CLIP4: variants seen among roughly 807,000 people sequenced by gnomAD.
CLIP4 encodes CAP-Gly domain-containing linker protein 4.
CLIP4 carries 47 observed loss-of-function variants against 73.1 expected under a neutral mutation model. The observed-to-expected ratio is 0.64, with a 90% CI of 0.51 to 0.82. The LOEUF (loss-of-function observed/expected upper bound fraction) is 0.82. CLIP4 is among the 40% of genes least tolerant of loss of function. The probability of loss-of-function intolerance (pLI) is 0.00; values close to 1 mark genes in which losing one functional copy is unlikely to be tolerated. For synonymous variants in CLIP4, 306 were observed against 295.4 expected, an observed-to-expected ratio of 1.04 and a Z score of -0.37; for missense variants, 874 against 852.9, an observed-to-expected ratio of 1.02 and a Z score of -0.31.
chr2:29,131,290 T>A lies in CLIP4; in HGVS notation c.166T>A (p.Cys56Ser). Reference protein sequence around the residue: ...FSFFDPNDASCQEILFDPKTS... With the variant: ...FSFFDPNDASSQEILFDPKTS... ...TTTCTTTGATCCTAATGATGCATCATGCCAGGAAATTCTTTTTGATCCCAA... is the reference window on the plus strand; with the variant it reads ...TTTCTTTGATCCTAATGATGCATCAAGCCAGGAAATTCTTTTTGATCCCAA... Residue 56 changes from cysteine (C) to serine (S), a missense_variant, in exon 3 of 16, where the codon TGC (cysteine) becomes AGC (serine). Physicochemically the swap from Cys to Ser is moderately radical, Grantham distance 112. Coordinates refer to ENST00000320081, the MANE Select transcript of CLIP4 (RefSeq NM_024692.6). 2.5e-6 allele frequency: 4 copies of A among 1,609,344 alleles called. No individual in the cohort carries two copies. The highest frequency in any genetic ancestry group is 3.4e-6 in the Non-Finnish European group (4 of 1,178,216).
chr2:29,160,442 C>T lies in CLIP4; in HGVS notation c.1509C>T (p.Phe503=), dbSNP rs1483196394. 4 of 1,614,128 alleles carry T rather than the reference C, an allele frequency of 2.5e-6. No individual in the cohort carries two copies. Among genetic ancestry groups the T allele is most frequent in the Non-Finnish European group, 3.4e-6 (4 of 1,180,000 alleles). The stretch of plus-strand genomic sequence containing the variant: ...GACAGAGACTGGGCACCATTAGGTT[C>T]TTTGGGACAACAAACTTCGCTCCAG... ...VVGQRLGTIR[F]FGTTNFAPGY... is the part of the protein sequence containing the mutation. Residue 503 remains phenylalanine, a synonymous_variant, in exon 12 of 16, where the codon TTC becomes TTT. Transcript: ENST00000320081.
chr2:29,161,885 C>T (rs892051486), intron 12 of CLIP4, among the ~76,000 whole-genome samples: 27 of 152,102 alleles, frequency 1.8e-4, no homozygotes, highest in African/African-American at 3.1e-4. Flanking sequence ...ATAAGACATG[C>T]GGAAACATGA....
chr2:29,127,999 CACTT>C (rs753824694), intron 2 of CLIP4, among the ~76,000 whole-genome samples: 3 of 152,078 alleles, frequency 2.0e-5, no homozygotes, highest in African/African-American at 4.8e-5. Context: ...ATTTCTAAAA[CACTT>C]ACATTAATAA....
At chr2:29,142,352 A>G (rs1330694498) in intron 6 of CLIP4, among the ~76,000 whole-genome samples, 1 of 151,662 alleles carries the variant, frequency 6.6e-6, no homozygotes. Flanking sequence ...ATTGTATGGG[A>G]ATTAACAGAA....
At chr2:29,171,643 C>T (rs767875290) in intron 14 of CLIP4, among the ~76,000 whole-genome samples, 11 of 151,950 alleles carry the variant, frequency 7.2e-5, no homozygotes, top group East Asian at 1.9e-4. Context: ...CTCAGCCTCC[C>T]GAGTAGCTGG....
chr2:29,147,570 C>T (rs1666256390), intron 8 of CLIP4, among the ~76,000 whole-genome samples: 1 of 151,786 alleles, frequency 6.6e-6, no homozygotes, highest in African/African-American at 2.4e-5. Context: ...ATAGTTGGCA[C>T]TAAATATTTG....
chr2:29,161,461 T>G (rs1481831729), intron 12 of CLIP4, among the ~76,000 whole-genome samples: 1 of 152,122 alleles, frequency 6.6e-6, no homozygotes, highest in Non-Finnish European at 1.5e-5. Flanking sequence ...CCAAGAACTA[T>G]GAGGGATCTG....
chr2:29,171,221 C>T (rs548431400), intron 14 of CLIP4, among the ~76,000 whole-genome samples: 2 of 152,220 alleles, frequency 1.3e-5, no homozygotes, highest in South Asian at 4.1e-4. Flanking sequence ...GTCTTTTTAC[C>T]TATAAACATG....
Position 29,176,051 on chromosome 2 carries a change from G to A in CLIP4, c.1796+1606G>A, listed in dbSNP as rs546683909. ...GTTGGGATTACAGGCGTGAGCCACCGCACCCGGCTGAGAATAAACTTTTTA... is the reference window on the plus strand; with the variant it reads ...GTTGGGATTACAGGCGTGAGCCACCACACCCGGCTGAGAATAAACTTTTTA... On this transcript the variant is annotated intron_variant, in intron 15 of 15. Transcript: ENST00000320081. 3.8e-4 allele frequency among the ~76,000 whole-genome samples: 58 copies of A among 152,290 alleles called. No individual in the cohort carries two copies. The South Asian group carries it at 7.9e-3, about 21-fold the overall frequency.
chr2:29,123,134 T>A (rs1664377993), intron 2 of CLIP4, among the ~76,000 whole-genome samples: 1 of 152,228 alleles, frequency 6.6e-6, no homozygotes, highest in Non-Finnish European at 1.5e-5. Flanking sequence ...AGGATAGCCT[T>A]TAAGTATCTG....
At position 29,133,710 on chromosome 2, in the gene CLIP4, C is replaced by T. The variant is rs752306172; in HGVS notation, c.423C>T (p.Asp141=). The T allele has an allele frequency of 3.1e-6, 5 of 1,613,584 alleles. No individual in the cohort carries two copies. The African/African-American group carries it at 4.0e-5, about 13-fold the overall frequency. Residue 141 remains aspartate (D), a synonymous_variant, in exon 5 of 16, where the codon GAC becomes GAT. Coordinates refer to ENST00000320081, the MANE Select transcript of CLIP4 (RefSeq NM_024692.6). ...CTCAGCTTATTGACCTGGGAGCAGA[C>T]ATTAGTTTGCGGAGTCGCTGGACAA... ...FATQLIDLGA[D]ISLRSRWTNM... is the part of the protein sequence containing the mutation.
rs56927221 is a variant in CLIP4, at chr2:29,159,683, TA to T, written c.1400-626del. ...TCAACACAGCAAGACCCTGTTTCTT[TA>T]AAAAAAAAAAAAAAAAAAAAAAAGT... is the stretch of plus-strand genomic sequence containing the variant. On this transcript the variant is annotated intron_variant, in intron 11 of 15. Coordinates refer to ENST00000320081, the MANE Select transcript of CLIP4 (RefSeq NM_024692.6). Among the ~76,000 whole-genome samples, 590 of 114,120 alleles carry T rather than the reference TA, an allele frequency of 5.2e-3. 7 individuals carry two copies. The highest frequency in any genetic ancestry group is 0.019 in the African/African-American group (516 of 27,870). The allele number at this position is 114,120 out of a possible 152,430, so 74.9% of individuals were successfully genotyped here.
chr2:29,098,866 G>T (rs1667954400), intron 1 of CLIP4, among the ~76,000 whole-genome samples: 1 of 152,160 alleles, frequency 6.6e-6, no homozygotes, highest in African/African-American at 2.4e-5. Flanking sequence ...ATCCTCACCA[G>T]CATTTGGTGG....
intron 8 of CLIP4, among the ~76,000 whole-genome samples, chr2:29,148,263 G>A (rs1666304020): frequency 6.6e-6 from 1 of 152,148 alleles, no homozygotes; most frequent in South Asian, 2.1e-4. Context: ...AGAAGCCAAG[G>A]AATTTCTCAA....
intron 14 of CLIP4, among the ~76,000 whole-genome samples, chr2:29,172,064 C>G (rs1668046088): frequency 7.2e-6 from 1 of 139,356 alleles, no homozygotes; most frequent in Non-Finnish European, 1.5e-5. Flanking sequence ...AAGTTATAGT[C>G]TATGAATATG....
chr2:29,175,100 C>A (rs566940864), intron 15 of CLIP4, among the ~76,000 whole-genome samples: 5 of 152,216 alleles, frequency 3.3e-5, no homozygotes, highest in Non-Finnish European at 7.4e-5. Context: ...GGGAAGTACA[C>A]GTGCTTGTTT....
At chr2:29,099,948 T>A (rs913841754) in intron 1 of CLIP4, among the ~76,000 whole-genome samples, 2 of 152,248 alleles carry the variant, frequency 1.3e-5, no homozygotes, top group Admixed American at 1.3e-4. Context: ...TTTTTGATGC[T>A]AATGTAAATG....
chr2:29,127,124 G>C (rs1474558867), intron 2 of CLIP4, among the ~76,000 whole-genome samples: 14 of 152,102 alleles, frequency 9.2e-5, no homozygotes, highest in Non-Finnish European at 1.5e-5. Context: ...CAAGAATAGT[G>C]AATATGTACA....
At chr2:29,103,818 A>G (rs558143906) in intron 1 of CLIP4, among the ~76,000 whole-genome samples, 1 of 151,950 alleles carries the variant, frequency 6.6e-6, no homozygotes, top group East Asian at 1.9e-4. Flanking sequence ...GGTTCAAGCT[A>G]TTCTCCTGCG....
Sources: gnomAD v4.1 joint callset for allele counts (sites outside exome capture counted in the v4.1 genomes callset) on GRCh38, gnomAD v4.1.1 for gene constraint, MANE v1.5 for transcripts, NCBI Gene and HGNC (gene_info 2026-07-23, HGNC 2026-07-21) for gene names.